CDH10: variants seen among roughly 807,000 people sequenced by gnomAD.
CDH10 encodes the protein cadherin-10.
In CDH10, 30 loss-of-function variants were observed where a neutral mutation model predicts 73.1. The observed-to-expected ratio is 0.41, with a 90% CI of 0.31 to 0.56. The LOEUF (loss-of-function observed/expected upper bound fraction) is 0.56. Ranked by LOEUF, CDH10 falls within the 20% of genes least tolerant of loss-of-function variation. The pLI is 0.27. For missense variants in CDH10, 815 were observed against 973.7 expected (o/e 0.84, Z 2.17); for synonymous variants, 345 against 348.2 (o/e 0.99, Z 0.10).
intron 2 of CDH10, among the ~76,000 whole-genome samples, chr5:24,563,723 T>C (rs1249922487): frequency 2.1e-5 from 3 of 143,604 alleles, no homozygotes; most frequent in African/African-American, 7.9e-5. Flanking sequence ...TGAGCCGAGA[T>C]CCTGCACTGC....
At chr5:24,523,290 C>T (rs1216324286) in intron 5 of CDH10, among the ~76,000 whole-genome samples, 2 of 151,922 alleles carry the variant, frequency 1.3e-5, no homozygotes, top group African/African-American at 4.8e-5. Context: ...AAGTTGTTAT[C>T]TGTGAGAATT....
At chr5:24,587,415 T>C (rs1746060693) in intron 2 of CDH10, among the ~76,000 whole-genome samples, 1 of 152,172 alleles carries the variant, frequency 6.6e-6, no homozygotes, top group African/African-American at 2.4e-5. Flanking sequence ...TAATTATGTA[T>C]TGTCTCCAAG....
At chr5:24,597,297 T>C (rs372100105) in intron 1 of CDH10, among the ~76,000 whole-genome samples, 3 of 152,126 alleles carry the variant, frequency 2.0e-5, no homozygotes, top group East Asian at 1.9e-4. Context: ...GCAACATTTC[T>C]AATATGTTCA....
chr5:24,491,847 A>G lies in CDH10; in HGVS notation c.1625-20T>C. On this transcript the variant is annotated intron_variant, in intron 10 of 11. Coordinates refer to ENST00000264463, the MANE Select transcript of CDH10 (RefSeq NM_006727.5). ...TATTATCTAAAACAAATTTTAAAAT[A>G]TTACAAATGGTTTGGGATAGTAAAT... 1.9e-6 allele frequency: 3 copies of G among 1,539,172 alleles called. No homozygotes were observed. The highest frequency in any genetic ancestry group is 1.2e-5 in the South Asian group (1 of 86,872).
chr5:24,505,269 A>G, intron 7 of CDH10, 21 bp from the exon 8 acceptor site: 1 of 1,605,760 alleles, frequency 6.2e-7, no homozygotes, highest in Non-Finnish European at 8.5e-7. Flanking sequence ...AGGGCAAGAA[A>G]AAATACATGG....
intron 2 of CDH10, among the ~76,000 whole-genome samples, chr5:24,559,130 C>CAGAT: frequency 6.6e-6 from 1 of 151,556 alleles, no homozygotes; most frequent in Middle Eastern, 3.4e-3. Context: ...TTATTGTACA[C>CAGAT]AAATATGCTG....
At chr5:24,636,930 T>C (rs962902217) in intron 1 of CDH10, among the ~76,000 whole-genome samples, 1 of 151,902 alleles carries the variant, frequency 6.6e-6, no homozygotes, top group Non-Finnish European at 1.5e-5. Context: ...TTCTCAGGGA[T>C]TAACTAAAGA....
At chr5:24,571,677 A>C (rs1745385603) in intron 2 of CDH10, among the ~76,000 whole-genome samples, 1 of 151,504 alleles carries the variant, frequency 6.6e-6, no homozygotes, top group Admixed American at 6.6e-5. Context: ...ATACATTATT[A>C]CATTCAATTC....
chr5:24,543,495 T>C lies in CDH10; in HGVS notation c.232-5821A>G, dbSNP rs142086998. Among the ~76,000 whole-genome samples, 1,267 of 152,246 alleles carry C rather than the reference T, an allele frequency of 8.3e-3. 8 individuals carry two copies. The highest frequency in any genetic ancestry group is 0.011 in the Non-Finnish European group (773 of 68,010). ...CGAAATTATTAAATAGATTTTTCAA[T>C]TTACAGTGATAATTTGTGCCTGATT... On this transcript the variant is annotated intron_variant, in intron 2 of 11. Transcript: ENST00000264463.
chr5:24,617,889 T>C (rs1747176983), intron 1 of CDH10, among the ~76,000 whole-genome samples: 2 of 152,202 alleles, frequency 1.3e-5, no homozygotes, highest in Admixed American at 1.3e-4. Flanking sequence ...GAAGGGGTTG[T>C]TTACAAAGCC....
At chr5:24,642,807 GT>G (rs955860257) in intron 1 of CDH10, among the ~76,000 whole-genome samples, 5 of 151,326 alleles carry the variant, frequency 3.3e-5, no homozygotes, top group Admixed American at 6.6e-5. Flanking sequence ...TTTGTTTGTT[GT>G]TTTTTTTCCC....
intron 5 of CDH10, among the ~76,000 whole-genome samples, chr5:24,529,623 A>G (rs566217036): frequency 1.8e-4 from 28 of 152,126 alleles, no homozygotes; most frequent in African/African-American, 6.5e-4. Flanking sequence ...ATGCTTACAT[A>G]ATAAATATCA....
chr5:24,616,446 G>A (rs1209251293), intron 1 of CDH10, among the ~76,000 whole-genome samples: 2 of 152,086 alleles, frequency 1.3e-5, no homozygotes, highest in East Asian at 3.9e-4. Flanking sequence ...GTAAAAAAAG[G>A]AATGAAGGCA....
chr5:24,507,342 T>G (rs1742733834), intron 7 of CDH10, among the ~76,000 whole-genome samples: 2 of 151,256 alleles, frequency 1.3e-5, no homozygotes, highest in Non-Finnish European at 1.5e-5. Context: ...TTATTTTTGC[T>G]ATAATATGTA....
At chr5:24,517,091 T>C (rs1743136895) in intron 5 of CDH10, among the ~76,000 whole-genome samples, 1 of 152,132 alleles carries the variant, frequency 6.6e-6, no homozygotes, top group Non-Finnish European at 1.5e-5. Flanking sequence ...TTTTGAAATC[T>C]ATGATTTTTA....
At chr5:24,582,613 T>C (rs551078908) in intron 2 of CDH10, among the ~76,000 whole-genome samples, 1 of 152,244 alleles carries the variant, frequency 6.6e-6, no homozygotes, top group African/African-American at 2.4e-5. Flanking sequence ...TTTATGTAAA[T>C]TGAAATATGC....
intron 9 of CDH10, among the ~76,000 whole-genome samples, chr5:24,493,710 AT>A (rs1379929871): frequency 1.3e-5 from 2 of 151,770 alleles, no homozygotes; most frequent in South Asian, 2.1e-4. Flanking sequence ...CAATTTGTAT[AT>A]TTTTTACATA....
At chr5:24,601,777 T>C (rs1342399983) in intron 1 of CDH10, among the ~76,000 whole-genome samples, 1 of 152,116 alleles carries the variant, frequency 6.6e-6, no homozygotes, top group Non-Finnish European at 1.5e-5. Flanking sequence ...AAAGCTTGAA[T>C]GGGTTAAAGT....
intron 1 of CDH10, among the ~76,000 whole-genome samples, 196 bp from the exon 2 acceptor site, chr5:24,593,809 G>A (rs1323569628): frequency 4.6e-5 from 7 of 151,748 alleles, no homozygotes; most frequent in African/African-American, 1.7e-4. Context: ...AAATATAATT[G>A]TAAATGTTTA....
Sources: allele counts gnomAD v4.1 joint callset (sites outside exome capture counted in the v4.1 genomes callset), GRCh38; gene constraint gnomAD v4.1.1; transcripts MANE v1.5; gene names NCBI Gene and HGNC (gene_info 2026-07-23, HGNC 2026-07-21).